The following ACOT7 variants were observed in gnomAD, a reference collection of about 807,000 sequenced individuals.
ACOT7 encodes acyl-CoA thioesterase 7.
ACOT7 carries 12 observed loss-of-function variants against 40.2 expected under a neutral mutation model. The ratio of observed to expected loss-of-function variants is 0.30; its 90% CI spans 0.19 to 0.48. ACOT7 has a LOEUF of 0.48. ACOT7 is among the 20% of genes least tolerant of loss of function. ACOT7 has a pLI of 0.99. For missense variants in ACOT7, 395 were observed against 530.8 expected (o/e 0.74, Z 2.51); for synonymous variants, 228 against 219.5 (o/e 1.04, Z -0.34).
intron 6 of ACOT7, 39 bp from the exon 7 acceptor site, chr1:6,295,019 G>A (rs1353037399): frequency 1.3e-6 from 2 of 1,491,420 alleles, no homozygotes; most frequent in Non-Finnish European, 1.9e-6. Context: ...AGACACGGAG[G>A]CAGAGGAGAT....
At position 6,271,716 on chromosome 1, in the gene ACOT7, C is replaced by T. The variant is rs1038884913; in HGVS notation, c.1015-7021G>A. Among the ~76,000 whole-genome samples, 3 of 152,246 alleles carry T rather than the reference C, an allele frequency of 2.0e-5. No homozygotes were observed. In the East Asian group the frequency reaches 5.8e-4, roughly 29 times the overall value. ...CACCCAGGACTGCACCAGCCTCCAG[C>T]AGAAAGCAGCCGGAAGTCTCAAATA... On this transcript the variant is annotated intron_variant, in intron 8 of 8. Coordinates refer to ENST00000361521, the MANE Select transcript of ACOT7 (RefSeq NM_007274.4).
At position 6,275,627 on chromosome 1, in the gene ACOT7, G is replaced by GA. The variant is rs747950036; in HGVS notation, c.1014+5474dup. ...AGCTACTCGGGAGGCTGAGGCAGGA[G>GA]AATCGTTTGAACCCGGGAGGCAGCG... On this transcript the variant is annotated intron_variant, in intron 8 of 8. Transcript: ENST00000361521. This position sits in a 1 kb window ranked among gnomAD's most constrained non-coding sequence, Gnocchi z 5.6. Among the ~76,000 whole-genome samples the GA allele has an allele frequency of 7.5e-5, 11 of 147,210 alleles. No individual in the cohort carries two copies. The highest frequency in any genetic ancestry group is 1.6e-4 in the Non-Finnish European group (11 of 67,400).
intron 6 of ACOT7, among the ~76,000 whole-genome samples, chr1:6,305,472 C>CG: frequency 6.6e-6 from 1 of 150,608 alleles, no homozygotes; most frequent in South Asian, 2.1e-4. Flanking sequence ...ACTTCCCAGA[C>CG]GGGGTGGCTG....
In ACOT7 at chr1:6,385,934, G is replaced by A. The variant is rs985070115; in HGVS notation, c.143+7323C>T. On this transcript the variant is annotated intron_variant, in intron 1 of 8. Transcript: ENST00000361521. The stretch of plus-strand genomic sequence containing the variant: ...ATGACTCGGCCTGAACTCACAGACA[G>A]GGAAACAGGACAGGGCCACCACCCC... The A allele has an allele frequency of 4.5e-5, 42 of 939,970 alleles. No individual in the cohort carries two copies. The African/African-American group carries it at 5.0e-4, about 11-fold the overall frequency. 58.2% of individuals were successfully genotyped at this position (939,970 alleles called of 1,614,324 possible).
intron 1 of ACOT7, among the ~76,000 whole-genome samples, chr1:6,377,956 G>A (rs1310080338): frequency 6.6e-6 from 1 of 152,150 alleles, no homozygotes; most frequent in Non-Finnish European, 1.5e-5. Context: ...TGTAGTCCCA[G>A]CTACTCGGGA....
Position 6,349,851 on chromosome 1 carries a change from A to G in ACOT7, c.159T>C (p.Asp53=). The G allele has an allele frequency of 1.2e-6, 2 of 1,614,094 alleles. No individual in the cohort carries two copies. The highest frequency in any genetic ancestry group is 1.7e-6 in the Non-Finnish European group (2 of 1,180,016). Residue 53 remains aspartate (D), a synonymous_variant, in exon 2 of 9, where the codon GAT becomes GAC. Coordinates refer to ENST00000361521, the MANE Select transcript of ACOT7 (RefSeq NM_007274.4). ...GGACATTGCCGGCCACGTTGGCATC[A>G]TCTGGCCGCATGATCCTAGGGCAGA... is the stretch of plus-strand genomic sequence containing the variant. ...AIQICRIMRP[D]DANVAGNVHG...
intron 4 of ACOT7, among the ~76,000 whole-genome samples, chr1:6,328,744 C>G (rs1407715826): frequency 1.3e-5 from 2 of 152,230 alleles, no homozygotes. Flanking sequence ...GCTCCTGAGT[C>G]CCGGGACACA....
intron 1 of ACOT7, among the ~76,000 whole-genome samples, chr1:6,365,806 A>T (rs1160361406): frequency 6.6e-6 from 1 of 151,986 alleles, no homozygotes; most frequent in Non-Finnish European, 1.5e-5. Context: ...AAATGCTAAC[A>T]ATCATCTGAG....
chr1:6,269,070 G>A (rs1043461708), intron 8 of ACOT7, among the ~76,000 whole-genome samples: 5 of 152,222 alleles, frequency 3.3e-5, no homozygotes, highest in Non-Finnish European at 7.3e-5. Flanking sequence ...GCACATCAGG[G>A]TCTTCCCAAC....
intron 1 of ACOT7, among the ~76,000 whole-genome samples, chr1:6,367,792 T>TAG (rs1476568809): frequency 2.0e-5 from 3 of 152,232 alleles, no homozygotes; most frequent in Non-Finnish European, 2.9e-5. Context: ...GGGGCATGTT[T>TAG]CAGCCCTGTT....
At chr1:6,386,505 C>T (rs1642443040) in intron 1 of ACOT7, among the ~76,000 whole-genome samples, 1 of 152,122 alleles carries the variant, frequency 6.6e-6, no homozygotes, top group Non-Finnish European at 1.5e-5. Context: ...TCCCGGATTT[C>T]CCAGTACGAC....
chr1:6,295,807 G>T (rs1473335224), intron 6 of ACOT7, among the ~76,000 whole-genome samples: 3 of 151,836 alleles, frequency 2.0e-5, no homozygotes, highest in East Asian at 1.9e-4. Flanking sequence ...TGGGTACAGG[G>T]TCTCTTTGTA....
intron 6 of ACOT7, among the ~76,000 whole-genome samples, chr1:6,302,599 C>A (rs575204280): frequency 6.6e-5 from 10 of 152,146 alleles, no homozygotes; most frequent in African/African-American, 2.2e-4. Flanking sequence ...CATAGAAAAA[C>A]CATGGTCTGT....
intron 1 of ACOT7, among the ~76,000 whole-genome samples, chr1:6,367,353 T>A (rs1642033159): frequency 6.6e-6 from 1 of 152,150 alleles, no homozygotes; most frequent in South Asian, 2.1e-4. Context: ...TTTGCCTAAG[T>A]TTTGCTGGGG....
chr1:6,284,987 G>T (rs531986861), intron 7 of ACOT7, among the ~76,000 whole-genome samples: 2 of 152,304 alleles, frequency 1.3e-5, no homozygotes, highest in East Asian at 3.9e-4. Context: ...ACCCCCTCTA[G>T]AACTGTCCTC....
At chr1:6,377,381 T>TA (rs1248528022) in intron 1 of ACOT7, among the ~76,000 whole-genome samples, 2 of 151,880 alleles carry the variant, frequency 1.3e-5, no homozygotes, top group African/African-American at 2.4e-5. Context: ...ATTTAAATAA[T>TA]AAAAAAATAC....
chr1:6,287,520 A>G (rs1473990993), intron 7 of ACOT7, among the ~76,000 whole-genome samples: 1 of 152,250 alleles, frequency 6.6e-6, no homozygotes, highest in Non-Finnish European at 1.5e-5. Flanking sequence ...AGTGTGTCAT[A>G]TTAGGTACAG....
intron 6 of ACOT7, among the ~76,000 whole-genome samples, chr1:6,310,873 G>C (rs1275817158): frequency 1.3e-5 from 2 of 152,048 alleles, no homozygotes; most frequent in African/African-American, 4.8e-5. Flanking sequence ...AAGTAGCTGG[G>C]ATTACAGGTA....
intron 3 of ACOT7, among the ~76,000 whole-genome samples, chr1:6,339,192 C>G (rs890709649): frequency 4.6e-5 from 7 of 152,238 alleles, no homozygotes; most frequent in African/African-American, 1.7e-4. Flanking sequence ...CGGACCCAGA[C>G]AGCAGGGTTG....
Sources: gnomAD v4.1 joint callset for allele counts (sites outside exome capture counted in the v4.1 genomes callset) on GRCh38, gnomAD v4.1.1 for gene constraint, Gnocchi (gnomAD v3.1) non-coding constraint, MANE v1.5 for transcripts, NCBI Gene and HGNC (gene_info 2026-07-23, HGNC 2026-07-21) for gene names.